ROR1: variants seen among roughly 807,000 people sequenced by gnomAD.
ROR1 encodes the protein ROR family WNT receptor 1.
ROR1 carries 19 observed loss-of-function variants against 78.8 expected under a neutral mutation model. That is an observed-to-expected ratio of 0.24 (90% CI 0.17 to 0.35). The LOEUF (loss-of-function observed/expected upper bound fraction) is 0.35, where lower values mean the gene tolerates loss of function less well. ROR1 is among the 10% of genes least tolerant of loss of function. The pLI is 1.00. For synonymous variants in ROR1, 386 were observed against 433.6 expected (o/e 0.89, Z 1.36); for missense variants, 917 against 1,177.8 (o/e 0.78, Z 3.24).
intron 1 of ROR1, among the ~76,000 whole-genome samples, chr1:63,940,079 T>C (rs1490115735): frequency 6.6e-6 from 1 of 152,110 alleles, no homozygotes; most frequent in African/African-American, 2.4e-5. Flanking sequence ...TGGATGATGA[T>C]TTTCTGGCTC....
At chr1:63,847,031 G>A (rs1645085823) in intron 1 of ROR1, among the ~76,000 whole-genome samples, 1 of 152,162 alleles carries the variant, frequency 6.6e-6, no homozygotes, top group Admixed American at 6.5e-5. Flanking sequence ...CAGTGTTCTT[G>A]CCTCTGTCCC....
At chr1:63,901,140 G>A (rs1202708704) in intron 1 of ROR1, among the ~76,000 whole-genome samples, 3 of 152,264 alleles carry the variant, frequency 2.0e-5, no homozygotes. Flanking sequence ...GCTAGCAAAC[G>A]TGTGTGCTGA....
chr1:63,791,319 A>G (rs1346371010), intron 1 of ROR1, among the ~76,000 whole-genome samples: 1 of 152,180 alleles, frequency 6.6e-6, no homozygotes, highest in Non-Finnish European at 1.5e-5. Flanking sequence ...TGCTGGAGAC[A>G]GAATCAGGAA....
At chr1:64,002,475 A>G (rs1038646338) in intron 1 of ROR1, among the ~76,000 whole-genome samples, 2 of 152,216 alleles carry the variant, frequency 1.3e-5, no homozygotes, top group Non-Finnish European at 2.9e-5. Flanking sequence ...GCTAATACAT[A>G]TGCATATATA....
intron 1 of ROR1, among the ~76,000 whole-genome samples, chr1:63,803,237 G>C (rs1373074477): frequency 6.6e-6 from 1 of 151,942 alleles, no homozygotes; most frequent in African/African-American, 2.4e-5. Flanking sequence ...AGATTTCGGT[G>C]GCTCCTAATA....
At chr1:64,175,453 T>C (rs1326982673) in intron 8 of ROR1, among the ~76,000 whole-genome samples, 1 of 152,192 alleles carries the variant, frequency 6.6e-6, no homozygotes, top group Non-Finnish European at 1.5e-5. Context: ...ATGGAGGTCA[T>C]TGATAATATT....
chr1:64,145,182 T>C (rs1327424455), intron 7 of ROR1, among the ~76,000 whole-genome samples: 1 of 152,126 alleles, frequency 6.6e-6, no homozygotes, highest in African/African-American at 2.4e-5. Flanking sequence ...GAGCCCACCA[T>C]GGAGTAGGGA....
At chr1:64,101,160 C>T (rs1647522500) in intron 4 of ROR1, among the ~76,000 whole-genome samples, 1 of 152,158 alleles carries the variant, frequency 6.6e-6, no homozygotes, top group Non-Finnish European at 1.5e-5. Flanking sequence ...CGTTGAGCTG[C>T]TCTGTGCAGA....
chr1:63,812,112 C>T (rs545888939), intron 1 of ROR1, among the ~76,000 whole-genome samples: 18 of 152,152 alleles, frequency 1.2e-4, no homozygotes, highest in Admixed American at 7.2e-4. Context: ...AGGTGTGTGC[C>T]GCCACGCCTG....
intron 1 of ROR1, among the ~76,000 whole-genome samples, chr1:63,899,335 C>T (rs1173771234): frequency 1.3e-5 from 2 of 152,174 alleles, no homozygotes; most frequent in East Asian, 1.9e-4. Context: ...ACAAACCCAG[C>T]ACGTTGATAG....
At chr1:64,116,899 A>G (rs188873365) in intron 4 of ROR1, among the ~76,000 whole-genome samples, 111 of 152,290 alleles carry the variant, frequency 7.3e-4, no homozygotes, top group Admixed American at 5.2e-3. Context: ...GATTTAACAC[A>G]TGGCCTCTCA....
chr1:63,989,552 C>T (rs1038147533), intron 1 of ROR1, among the ~76,000 whole-genome samples: 8 of 152,190 alleles, frequency 5.3e-5, no homozygotes, highest in Non-Finnish European at 1.0e-4. Context: ...GCCTTTAATT[C>T]ATCATTCCTG....
At chr1:63,899,615 GA>G (rs1415672209) in intron 1 of ROR1, among the ~76,000 whole-genome samples, 1 of 151,962 alleles carries the variant, frequency 6.6e-6, no homozygotes, top group African/African-American at 2.4e-5. Flanking sequence ...ATGTACTTGT[GA>G]ATTCAAAACA....
intron 1 of ROR1, among the ~76,000 whole-genome samples, chr1:63,820,242 G>A (rs917499744): frequency 9.2e-5 from 14 of 152,164 alleles, no homozygotes; most frequent in African/African-American, 2.9e-4. Context: ...CACAGGGCAC[G>A]TCATTGGTGG....
intron 4 of ROR1, among the ~76,000 whole-genome samples, chr1:64,134,308 G>A (rs1649027694): frequency 6.6e-6 from 1 of 152,102 alleles, no homozygotes; most frequent in African/African-American, 2.4e-5. Context: ...TCGTTATAAG[G>A]TCTCTTTCTC....
At chr1:63,775,120 T>G (rs1009901955) in intron 1 of ROR1, among the ~76,000 whole-genome samples, 3 of 152,104 alleles carry the variant, frequency 2.0e-5, no homozygotes, top group Non-Finnish European at 4.4e-5. Context: ...TGCCACTTTG[T>G]GCAAAATGTG....
rs149905809 is a variant in ROR1 at position 63,787,726 on chromosome 1, A to G, written c.91+13218A>G. 1.2e-3 allele frequency among the ~76,000 whole-genome samples: 184 copies of G among 152,164 alleles called. 4 individuals are homozygous for G. Among genetic ancestry groups the G allele is most frequent in the Middle Eastern group, 6.8e-3 (2 of 294 alleles). On this transcript the variant is annotated intron_variant, in intron 1 of 8. Coordinates refer to ENST00000371079, the MANE Select transcript of ROR1 (RefSeq NM_005012.4). ...ATATTTAGTAGAGACGGGTTTTGCCATGTTGGCCAGGCTGGTCTCAAAATC... is the reference window on the plus strand; with the variant it reads ...ATATTTAGTAGAGACGGGTTTTGCCGTGTTGGCCAGGCTGGTCTCAAAATC...
intron 8 of ROR1, among the ~76,000 whole-genome samples, chr1:64,170,254 T>C (rs1387929152): frequency 3.3e-5 from 5 of 152,142 alleles, no homozygotes; most frequent in Admixed American, 3.3e-4. Flanking sequence ...TTTCCATACA[T>C]CCTCTGAAAT....
At chr1:63,966,508 C>A (rs376135997) in intron 1 of ROR1, among the ~76,000 whole-genome samples, 3 of 152,256 alleles carry the variant, frequency 2.0e-5, no homozygotes, top group East Asian at 3.9e-4. Context: ...CTGGAAACTA[C>A]AAAGTGTTAC....
Sources: gnomAD v4.1 joint callset for allele counts (sites outside exome capture counted in the v4.1 genomes callset) on GRCh38, gnomAD v4.1.1 for gene constraint, MANE v1.5 for transcripts, NCBI Gene and HGNC (gene_info 2026-07-23, HGNC 2026-07-21) for gene names.